Variants in DNMT3L observed in about 807,000 individuals in gnomAD.
DNMT3L encodes DNA methyltransferase 3 like.
In DNMT3L, 33 loss-of-function variants were observed where a neutral mutation model predicts 36.2. That is an observed-to-expected ratio of 0.91 (90% CI 0.69 to 1.22). The LOEUF (loss-of-function observed/expected upper bound fraction) is 1.22, where lower values mean the gene tolerates loss of function less well. DNMT3L is among the 50% of genes most tolerant of loss of function. DNMT3L has a pLI of 0.00. For synonymous variants in DNMT3L, 117 were observed against 121.7 expected, an observed-to-expected ratio of 0.96 and a Z score of 0.26; for missense variants, 310 against 303.1, an observed-to-expected ratio of 1.02 and a Z score of -0.17.
chr21:44,259,721 A>G lies in DNMT3L; in HGVS notation c.152-10T>C. ...CAGCAGATGCAGATGTCTAAAGGAA[A>G]CATTCAAAGCACACTGTGTTTTCCC... On this transcript the variant is annotated splice_polypyrimidine_tract_variant and intron_variant, in intron 3 of 11. Coordinates refer to ENST00000628202, the MANE Select transcript of DNMT3L (RefSeq NM_175867.3). The G allele has an allele frequency of 1.2e-6, 2 of 1,605,476 alleles. No individual in the cohort carries two copies. The highest frequency in any genetic ancestry group is 1.7e-5 in the Admixed American group (1 of 59,164).
Position 44,258,426 on chromosome 21 carries a change from G to T in DNMT3L, c.516+97C>A, listed in dbSNP as rs1018280245. On this transcript the variant is annotated intron_variant, in intron 6 of 11. Coordinates refer to ENST00000628202, the MANE Select transcript of DNMT3L (RefSeq NM_175867.3). The surrounding 1 kb of genome is among the most constrained non-coding windows in gnomAD (Gnocchi z 6.2). The stretch of plus-strand genomic sequence containing the variant: ...TTGCTCCCGAGGCTGCAGCCGTGGT[G>T]CCCGTCGGCGCGCCTGCATTCTGCA... 7.0e-7 allele frequency: 1 copy of T among 1,432,258 alleles called. No individual in the cohort carries two copies. The highest frequency in any genetic ancestry group is 9.2e-7 in the Non-Finnish European group (1 of 1,082,478). The allele number at this position is 1,432,258 out of a possible 1,614,324, so 88.7% of individuals were successfully genotyped here.
intron 6 of DNMT3L, among the ~76,000 whole-genome samples, chr21:44,256,419 A>AT (rs937821792): frequency 0.16 from 16,749 of 103,710 alleles, 1,772 homozygotes; most frequent in African/African-American, 0.2. Context: ...GGGTTTGCTG[A>AT]TTTTTTTTTT....
intron 6 of DNMT3L, 128 bp from the exon 7 acceptor site, chr21:44,256,282 A>G (rs1601950850): frequency 4.2e-6 from 4 of 942,980 alleles, no homozygotes; most frequent in East Asian, 5.3e-5. Context: ...CATAAGACAC[A>G]CCTGCTGAGG....
intron 2 of DNMT3L, 115 bp downstream of exon 2, chr21:44,261,039 C>G (rs2040312697): frequency 1.4e-6 from 2 of 1,424,940 alleles, no homozygotes; most frequent in Non-Finnish European, 1.9e-6. Flanking sequence ...CCTCCTGCCC[C>G]AGCCCGGGTG....
rs1368131065 is a variant in DNMT3L at position 44,257,508 on chromosome 21, C to T, written c.516+1015G>A. Among the ~76,000 whole-genome samples, 16 of 151,666 alleles carry T rather than the reference C, an allele frequency of 1.1e-4. No individual in the cohort carries two copies. In the South Asian group the frequency reaches 1.5e-3, roughly 14 times the overall value. On this transcript the variant is annotated intron_variant, in intron 6 of 11. Coordinates refer to ENST00000628202, the MANE Select transcript of DNMT3L (RefSeq NM_175867.3). ...CATCCCGGCTAAAACTGTGAAACCCCGTCTCTACTAAAAATACAAAAAATT... is the reference window on the plus strand; with the variant it reads ...CATCCCGGCTAAAACTGTGAAACCCTGTCTCTACTAAAAATACAAAAAATT...
chr21:44,261,611 G>T (rs568785977), intron 1 of DNMT3L, 129 bp downstream of exon 1: 1 of 246,128 alleles, frequency 4.1e-6, no homozygotes, highest in African/African-American at 2.3e-5. Flanking sequence ...CCCAGCCTTC[G>T]ACCCCTCAGG....
intron 7 of DNMT3L, among the ~76,000 whole-genome samples, chr21:44,255,706 T>G (rs536714482): frequency 4.8e-4 from 73 of 152,304 alleles, no homozygotes; most frequent in African/African-American, 1.7e-3. Flanking sequence ...GGACAGGCTG[T>G]GCAGGCGCTG....
intron 8 of DNMT3L, among the ~76,000 whole-genome samples, chr21:44,253,617 G>A (rs1050429521): frequency 6.6e-6 from 1 of 152,178 alleles, no homozygotes; most frequent in African/African-American, 2.4e-5. Flanking sequence ...TGCTTGGGAG[G>A]CTGAGGCAGG....
Position 44,259,662 on chromosome 21 carries a change from C to G in DNMT3L, c.201G>C (p.Leu67=), listed in dbSNP as rs1243513163. Residue 67 remains leucine (L), a synonymous_variant, in exon 4 of 12, where the codon CTG becomes CTC. Coordinates refer to ENST00000628202, the MANE Select transcript of DNMT3L (RefSeq NM_175867.3). ...ATGGGGCGCAGATCCCTCCCTCAAA[C>G]AGAGGGTGCTGTGTGTGAACCTGGA... is the stretch of plus-strand genomic sequence containing the variant. ...GSLQVHTQHP[L]FEGGICAPCK... is the part of the protein sequence containing the mutation. 6.2e-7 allele frequency: 1 copy of G among 1,613,144 alleles called. No homozygotes were observed. The highest frequency in any genetic ancestry group is 1.7e-5 in the Admixed American group (1 of 59,900).
Position 44,256,103 on chromosome 21 carries a change from C to A in DNMT3L, c.568G>T (p.Val190Phe). The A allele has an allele frequency of 6.2e-7, 1 of 1,613,976 alleles. No individual in the cohort carries two copies. The highest frequency in any genetic ancestry group is 8.5e-7 in the Non-Finnish European group (1 of 1,180,006). ...ETVPVWRRQP[V>F]RVLSLFEDIK... ...TCTTCAAAAAGGGACAGCACCCGGA[C>A]TGGCTGTCTCCTCCACACAGGCACG... The change falls in exon 7 of 12, where the codon GTC becomes TTC. Residue 190 changes from valine to phenylalanine, a missense_variant. By Grantham distance (50) the Val-to-Phe change is conservative. Coordinates refer to ENST00000628202, the MANE Select transcript of DNMT3L (RefSeq NM_175867.3).
rs143967213 is a variant in DNMT3L, at chr21:44,260,606, C to G, written c.151+189G>C. 3.0e-3 allele frequency among the ~76,000 whole-genome samples: 456 copies of G among 152,246 alleles called. 3 individuals are homozygous for G. Among genetic ancestry groups the G allele is most frequent in the African/African-American group, 0.01 (432 of 41,534 alleles). On this transcript the variant is annotated intron_variant, in intron 3 of 11. Coordinates refer to ENST00000628202, the MANE Select transcript of DNMT3L (RefSeq NM_175867.3). ...TAGCTGGGACTACAGGTGCATGCCA[C>G]CATGCCTGGTTAATTTTTATTTTTA...
chr21:44,257,499 G>A (rs1427764735), intron 6 of DNMT3L, among the ~76,000 whole-genome samples: 1 of 150,558 alleles, frequency 6.6e-6, no homozygotes, highest in Non-Finnish European at 1.5e-5. Context: ...GGCTAAAACT[G>A]TGAAACCCCG....
chr21:44,255,124 C>G (rs143302423), intron 7 of DNMT3L, among the ~76,000 whole-genome samples: 1 of 151,534 alleles, frequency 6.6e-6, no homozygotes, highest in African/African-American at 2.4e-5. Context: ...CACTGCACCC[C>G]GCCCAACTTT....
At chr21:44,254,819 T>C in intron 7 of DNMT3L, 114 bp from the exon 8 acceptor site, 1 of 1,011,006 alleles carries the variant, frequency 9.9e-7, no homozygotes, top group South Asian at 1.6e-5. Context: ...AGGAGCCAAC[T>C]GTATATTTTT....
At chr21:44,259,606 G>A (rs774539024) in intron 4 of DNMT3L, 26 bp downstream of exon 4, 2 of 1,613,306 alleles carry the variant, frequency 1.2e-6, no homozygotes, top group Non-Finnish European at 8.5e-7. Context: ...GGCCATGAGG[G>A]AGTCACCCCC....
intron 6 of DNMT3L, among the ~76,000 whole-genome samples, chr21:44,257,768 A>G (rs529820658): frequency 6.6e-6 from 1 of 152,330 alleles, no homozygotes; most frequent in African/African-American, 2.4e-5. Context: ...ATTCTTTCAC[A>G]GCTCAGGAGG....
intron 7 of DNMT3L, among the ~76,000 whole-genome samples, 159 bp downstream of exon 7, chr21:44,255,908 G>A (rs1168265072): frequency 3.3e-5 from 5 of 151,772 alleles, no homozygotes; most frequent in African/African-American, 4.8e-5. Flanking sequence ...AAAGGCCCCA[G>A]TGCAGGGTTA....
intron 6 of DNMT3L, among the ~76,000 whole-genome samples, chr21:44,257,447 C>T (rs1190197127): frequency 1.3e-5 from 2 of 151,374 alleles, no homozygotes; most frequent in African/African-American, 2.4e-5. Flanking sequence ...TTTGGGAGGC[C>T]GAGGCGGGCG....
Position 44,260,782 on chromosome 21 carries a change from T to A in DNMT3L, c.151+13A>T. 3.1e-6 allele frequency: 5 copies of A among 1,613,258 alleles called. No homozygotes were observed. Among genetic ancestry groups the A allele is most frequent in the Non-Finnish European group, 4.2e-6 (5 of 1,179,934 alleles). On this transcript the variant is annotated intron_variant, in intron 3 of 11. Transcript: ENST00000628202. Reference sequence around the variant, plus strand: ...CTCTTTTGTCTGGTGTGGGCCAGTATGCAAACACTCACCTTCTATATTTCG... The same window carrying A: ...CTCTTTTGTCTGGTGTGGGCCAGTAAGCAAACACTCACCTTCTATATTTCG...
Sources: gnomAD v4.1 joint callset for allele counts (sites outside exome capture counted in the v4.1 genomes callset) on GRCh38, gnomAD v4.1.1 for gene constraint, Gnocchi (gnomAD v3.1) non-coding constraint, MANE v1.5 for transcripts, NCBI Gene and HGNC (gene_info 2026-07-23, HGNC 2026-07-21) for gene names.